THADA: variants seen among roughly 807,000 people sequenced by gnomAD.
The protein encoded by THADA is THADA armadillo repeat containing.
Under a neutral mutation model 219.8 loss-of-function variants are expected in THADA, and 213 were observed. That is an observed-to-expected ratio of 0.97 (90% CI 0.87 to 1.09). The LOEUF (loss-of-function observed/expected upper bound fraction) is 1.09, where lower values mean the gene tolerates loss of function less well. Ranked by LOEUF, THADA falls within the 50% of genes least tolerant of loss-of-function variation. THADA has a pLI of 0.00. For synonymous variants in THADA, 1,018 were observed against 828.9 expected, an observed-to-expected ratio of 1.23 and a Z score of -3.92; for missense variants, 2,956 against 2,311.3, an observed-to-expected ratio of 1.28 and a Z score of -5.72.
intron 26 of THADA, chr2:43,463,086 G>A (rs994174453): frequency 6.6e-6 from 1 of 152,124 alleles, no homozygotes; most frequent in East Asian, 1.9e-4. Flanking sequence ...TGCTTCTCTG[G>A]GGTGAACACC....
intron 15 of THADA, chr2:43,566,276 A>G (rs975725121): frequency 2.3e-5 from 12 of 523,990 alleles, no homozygotes; most frequent in African/African-American, 9.9e-5. Context: ...ACTGAGGCAC[A>G]TGAAACAGAC....
At chr2:43,299,419 G>A (rs1354060481) in intron 31 of THADA, among the ~76,000 whole-genome samples, 6 of 152,162 alleles carry the variant, frequency 3.9e-5, no homozygotes, top group Non-Finnish European at 5.9e-5. Context: ...AGCACTTTGG[G>A]AGGCCGAGGC....
chr2:43,532,938 C>A (rs1050645233), intron 21 of THADA, among the ~76,000 whole-genome samples: 5 of 152,162 alleles, frequency 3.3e-5, no homozygotes, highest in African/African-American at 1.2e-4. Flanking sequence ...AAACTATCAT[C>A]AGAGTGAACA....
At chr2:43,591,836 C>A in intron 3 of THADA, 116 bp downstream of exon 3, 1 of 574,232 alleles carries the variant, frequency 1.7e-6, no homozygotes, top group Non-Finnish European at 2.9e-6. Context: ...TACTTATTTG[C>A]TAATGATAAA....
chr2:43,335,607 C>CA (rs969353217), intron 30 of THADA, among the ~76,000 whole-genome samples: 3 of 151,992 alleles, frequency 2.0e-5, no homozygotes, highest in Non-Finnish European at 2.9e-5. Context: ...CAGCAGGGCT[C>CA]AATAGGTATT....
intron 21 of THADA, among the ~76,000 whole-genome samples, chr2:43,530,680 C>T (rs1693753665): frequency 6.6e-6 from 1 of 152,180 alleles, no homozygotes; most frequent in Non-Finnish European, 1.5e-5. Context: ...TGACAAAGTG[C>T]TTCTCTGTGG....
At chr2:43,326,639 A>G (rs1679372036) in intron 30 of THADA, among the ~76,000 whole-genome samples, 1 of 152,168 alleles carries the variant, frequency 6.6e-6, no homozygotes, top group East Asian at 1.9e-4. Context: ...AAAGATGGCC[A>G]GTGGGATTAG....
rs1437050221 is a variant in THADA at position 43,485,261 on chromosome 2, GC to G, written c.3808del (p.Ala1270GlnfsTer11). 1.3e-5 allele frequency: 21 copies of G among 1,612,616 alleles called. No homozygotes were observed. The highest frequency in any genetic ancestry group is 1.8e-5 in the Non-Finnish European group (21 of 1,179,110). On this transcript the variant is annotated frameshift_variant, in exon 26 of 38. Transcript: ENST00000405975. LOFTEE classifies it high-confidence loss of function. Reference protein sequence around the residue: ...LITRIFGVKRAKDEHSKTNRM... With the variant: ...LITRIFGVKRXKDEHSKTNRM... ...ATTTGTTTTGGAATGTTCATCCTTT[GC>G]CCTTTTAACTCCAAAAATTCTTGTG...
At chr2:43,286,827 C>A in intron 35 of THADA, 81 bp downstream of exon 35, 1 of 1,521,982 alleles carries the variant, frequency 6.6e-7, no homozygotes, top group South Asian at 1.2e-5. Flanking sequence ...CCATCTTTCA[C>A]CTTCCCTTTT....
intron 10 of THADA, among the ~76,000 whole-genome samples, chr2:43,576,679 G>A (rs1699888883): frequency 6.6e-6 from 1 of 152,014 alleles, no homozygotes; most frequent in Non-Finnish European, 1.5e-5. Context: ...TTTTAAGACA[G>A]GATCTCACTC....
intron 26 of THADA, among the ~76,000 whole-genome samples, chr2:43,478,511 G>T (rs1273279471): frequency 2.0e-5 from 3 of 152,024 alleles, no homozygotes; most frequent in Non-Finnish European, 2.9e-5. Flanking sequence ...TGTAATCCTG[G>T]TATTACATTA....
intron 35 of THADA, among the ~76,000 whole-genome samples, chr2:43,286,131 T>C (rs1470573644): frequency 6.6e-6 from 1 of 152,196 alleles, no homozygotes; most frequent in Admixed American, 6.5e-5. Context: ...AGGGGACAGT[T>C]AGGCTGTTTT....
chr2:43,279,385 G>C (rs1673085810), intron 36 of THADA, among the ~76,000 whole-genome samples: 1 of 152,176 alleles, frequency 6.6e-6, no homozygotes, highest in African/African-American at 2.4e-5. Flanking sequence ...TGATTCCTGA[G>C]TTATGGAACC....
intron 22 of THADA, among the ~76,000 whole-genome samples, chr2:43,514,703 TATATATATAA>T (rs1373636818): frequency 1.2e-5 from 1 of 80,810 alleles, no homozygotes; most frequent in African/African-American, 5.7e-5. Flanking sequence ...ATATATATAA[TATATATATAA>T]ATATATATTA....
intron 30 of THADA, chr2:43,343,671 C>G (rs1667305832): frequency 6.6e-6 from 1 of 152,670 alleles, no homozygotes; most frequent in African/African-American, 2.4e-5. Context: ...ACCTTACTAC[C>G]CACCTAAGAA....
intron 29 of THADA, among the ~76,000 whole-genome samples, chr2:43,378,870 T>A (rs1412491838): frequency 1.3e-5 from 2 of 152,200 alleles, no homozygotes; most frequent in African/African-American, 4.8e-5. Flanking sequence ...CCTCCCAAAG[T>A]GCTGGGATTG....
intron 26 of THADA, among the ~76,000 whole-genome samples, chr2:43,483,881 C>G (rs1374452263): frequency 6.6e-6 from 1 of 151,562 alleles, no homozygotes; most frequent in Non-Finnish European, 1.5e-5. Context: ...TCATTTATAC[C>G]AGTATTTATC....
At chr2:43,424,292 T>G (rs1053595861) in intron 28 of THADA, among the ~76,000 whole-genome samples, 1 of 152,222 alleles carries the variant, frequency 6.6e-6, no homozygotes, top group African/African-American at 2.4e-5. Context: ...GCTTTTAATC[T>G]TCTTCTCATT....
At chr2:43,232,904 G>T (rs754868595) in intron 36 of THADA, 22 bp from the exon 37 acceptor site, 2 of 1,598,622 alleles carry the variant, frequency 1.3e-6, no homozygotes, top group Non-Finnish European at 1.7e-6. Flanking sequence ...GGAGAAAGGT[G>T]AGCAATGAAT....
Sources: allele counts gnomAD v4.1 joint callset (sites outside exome capture counted in the v4.1 genomes callset), GRCh38; gene constraint gnomAD v4.1.1; transcripts MANE v1.5; gene names NCBI Gene and HGNC (gene_info 2026-07-23, HGNC 2026-07-21).